The following EFHC2 variants were observed in gnomAD, a reference collection of about 807,000 sequenced individuals.
EFHC2 encodes the protein EF-hand domain-containing family member C2.
Under a neutral mutation model 52.7 loss-of-function variants are expected in EFHC2, and 18 were observed. That is an observed-to-expected ratio of 0.34 (90% confidence interval 0.24 to 0.51). The LOEUF (loss-of-function observed/expected upper bound fraction) is 0.51, where lower values mean the gene tolerates loss of function less well. Ranked by LOEUF, EFHC2 falls within the 20% of genes least tolerant of loss-of-function variation. The probability of loss-of-function intolerance (pLI) is 0.97; values close to 1 mark genes in which losing one functional copy is unlikely to be tolerated. For missense variants in EFHC2, 513 were observed against 562.5 expected, an observed-to-expected ratio of 0.91 and a Z score of 0.89; for synonymous variants, 203 against 204.1, an observed-to-expected ratio of 0.99 and a Z score of 0.04.
intron 11 of EFHC2, among the ~76,000 whole-genome samples, chrX:44,205,934 T>C (rs1336272474): frequency 1.8e-5 from 2 of 111,582 alleles, no homozygotes; most frequent in African/African-American, 6.5e-5. Context: ...TACATCCTTC[T>C]CATCTGCACA....
intron 14 of EFHC2, among the ~76,000 whole-genome samples, 183 bp downstream of exon 14, chrX:44,163,739 C>T (rs1274946935): frequency 2.7e-5 from 3 of 112,265 alleles, no homozygotes; most frequent in Non-Finnish European, 5.6e-5. Flanking sequence ...TTTTACAGAG[C>T]AGATGTTTGC....
chrX:44,158,461 G>T (rs1399297865), intron 14 of EFHC2, among the ~76,000 whole-genome samples: 2 of 111,005 alleles, frequency 1.8e-5, no homozygotes, highest in African/African-American at 6.6e-5. Context: ...CAACCCTGGG[G>T]CCTCCATCTA....
chrX:44,204,970 A>G (rs184944097), intron 11 of EFHC2, among the ~76,000 whole-genome samples: 19 of 111,917 alleles, frequency 1.7e-4, no homozygotes, highest in African/African-American at 5.8e-4. Context: ...AAATTTTAAA[A>G]GCAGCTAGAG....
At chrX:44,257,940 T>C (rs964394694) in intron 4 of EFHC2, among the ~76,000 whole-genome samples, 1 of 111,606 alleles carries the variant, frequency 9.0e-6, no homozygotes, top group Non-Finnish European at 1.9e-5. Context: ...AACAGAGATA[T>C]AGACCAATGG....
chrX:44,268,135 C>G (rs752497173), intron 3 of EFHC2, among the ~76,000 whole-genome samples: 4 of 111,974 alleles, frequency 3.6e-5, no homozygotes, highest in Non-Finnish European at 5.6e-5. Flanking sequence ...GTCCTGACCA[C>G]AGTGAGCCAA....
chrX:44,309,838 A>T (rs1461464068), intron 2 of EFHC2: 1 of 1,171,138 alleles, frequency 8.5e-7, no homozygotes, highest in Non-Finnish European at 1.2e-6. Context: ...TTTGTCCCCA[A>T]TCCAGCGCAA....
At chrX:44,295,386 A>G (rs2037819897) in intron 2 of EFHC2, among the ~76,000 whole-genome samples, 1 of 111,548 alleles carries the variant, frequency 9.0e-6, no homozygotes, top group Admixed American at 9.5e-5. Flanking sequence ...GTGCAAAGTT[A>G]TGGGAGCATA....
chrX:44,334,205 C>A (rs2147398889), intron 1 of EFHC2, among the ~76,000 whole-genome samples: 1 of 111,845 alleles, frequency 8.9e-6, no homozygotes, highest in East Asian at 2.8e-4. Context: ...GTGTTTGAAT[C>A]CTACATAGGC....
At chrX:44,325,943 AGTGCAGTGGC>A (rs2038049300) in intron 1 of EFHC2, among the ~76,000 whole-genome samples, 2 of 106,447 alleles carry the variant, frequency 1.9e-5, no homozygotes, top group African/African-American at 6.9e-5. Context: ...CCCAGGCTGG[AGTGCAGTGGC>A]GTGATCACAG....
intron 11 of EFHC2, among the ~76,000 whole-genome samples, chrX:44,198,985 C>T (rs750130653): frequency 8.9e-6 from 1 of 112,387 alleles, no homozygotes; most frequent in Admixed American, 9.4e-5. Flanking sequence ...CAATATTCCA[C>T]CTAATAAGAA....
intron 14 of EFHC2, among the ~76,000 whole-genome samples, chrX:44,157,475 T>G (rs2036616147): frequency 9.0e-6 from 1 of 111,405 alleles, no homozygotes. Context: ...TCAAGCTTCC[T>G]TGCTCTCTGG....
chrX:44,177,990 G>A (rs2036800899), intron 12 of EFHC2, among the ~76,000 whole-genome samples: 1 of 109,398 alleles, frequency 9.1e-6, no homozygotes, highest in Non-Finnish European at 1.9e-5. Context: ...AATTAGCTGG[G>A]TGCGGTGGTG....
intron 11 of EFHC2, among the ~76,000 whole-genome samples, chrX:44,199,829 C>G (rs763691380): frequency 8.9e-6 from 1 of 111,998 alleles, no homozygotes; most frequent in Non-Finnish European, 1.9e-5. Flanking sequence ...CTCAGTCCAA[C>G]TATGAGAAAA....
chrX:44,283,553 T>A, intron 2 of EFHC2, among the ~76,000 whole-genome samples: 1 of 98,497 alleles, frequency 1.0e-5, no homozygotes, highest in South Asian at 5.1e-4. Context: ...TTTTTTTACA[T>A]CCGGGAAGTT....
chrX:44,227,056 T>C (rs1447147864), intron 11 of EFHC2, among the ~76,000 whole-genome samples: 1 of 110,192 alleles, frequency 9.1e-6, no homozygotes, highest in Non-Finnish European at 1.9e-5. Flanking sequence ...CCCATTCAAC[T>C]AGTATTTATT....
chrX:44,176,257 G>T, intron 13 of EFHC2, 35 bp downstream of exon 13: 1 of 1,093,870 alleles, frequency 9.1e-7, no homozygotes, highest in Non-Finnish European at 1.2e-6. Flanking sequence ...AAACTATGCA[G>T]GACAATCCCT....
At chrX:44,228,700 A>C (rs2037251915) in intron 11 of EFHC2, among the ~76,000 whole-genome samples, 1 of 111,706 alleles carries the variant, frequency 9.0e-6, no homozygotes, top group East Asian at 2.8e-4. Context: ...TCTGGGCCTA[A>C]TGGTGGGCTC....
intron 14 of EFHC2, among the ~76,000 whole-genome samples, chrX:44,153,331 T>C (rs1451898744): frequency 3.6e-5 from 4 of 111,867 alleles, no homozygotes; most frequent in Admixed American, 1.9e-4. Context: ...TTAAACCCCA[T>C]GGCTCTCACA....
chrX:44,195,769 G>T (rs1042106987), intron 11 of EFHC2, among the ~76,000 whole-genome samples: 45 of 105,922 alleles, frequency 4.2e-4, no homozygotes, highest in African/African-American at 1.5e-3. Context: ...GCACGCTACT[G>T]AGACCACCAC....
Sources: allele counts gnomAD v4.1 joint callset (sites outside exome capture counted in the v4.1 genomes callset), GRCh38; gene constraint gnomAD v4.1.1; transcripts MANE v1.5; gene names NCBI Gene and HGNC (gene_info 2026-07-23, HGNC 2026-07-21).